HDLBP: variants seen among roughly 807,000 people sequenced by gnomAD.
The protein encoded by HDLBP is vigilin.
HDLBP carries 30 observed loss-of-function variants against 137.3 expected under a neutral mutation model. The observed-to-expected ratio is 0.22, with a 90% confidence interval of 0.16 to 0.30. The LOEUF (loss-of-function observed/expected upper bound fraction) is 0.30. HDLBP is among the 10% of genes least tolerant of loss of function. The pLI is 1.00. For synonymous variants in HDLBP, 606 were observed against 596.0 expected, an observed-to-expected ratio of 1.02 and a Z score of -0.24; for missense variants, 1,119 against 1,667.3, an observed-to-expected ratio of 0.67 and a Z score of 5.73.
chr2:241,242,226 C>T (rs2071307970), intron 17 of HDLBP, among the ~76,000 whole-genome samples: 1 of 152,156 alleles, frequency 6.6e-6, no homozygotes, highest in Non-Finnish European at 1.5e-5. Flanking sequence ...AACAAAAGCA[C>T]CCCAAAACTA....
At chr2:241,276,912 T>G (rs923326284) in intron 1 of HDLBP, among the ~76,000 whole-genome samples, 25 of 151,810 alleles carry the variant, frequency 1.6e-4, no homozygotes, top group African/African-American at 6.0e-4. Flanking sequence ...CAAACACAAT[T>G]AATAAATCTA....
rs578212878 is a variant in HDLBP, at chr2:241,282,289, T to C, written c.-102-13748A>G. ...TGTATTTTAAAATGCAAGTGAAAAGTAGAATAAGATTCTACATTTCACCTC... is the reference window on the plus strand; with the variant it reads ...TGTATTTTAAAATGCAAGTGAAAAGCAGAATAAGATTCTACATTTCACCTC... On this transcript the variant is annotated intron_variant, in intron 1 of 27. Coordinates refer to ENST00000310931, the MANE Select transcript of HDLBP (RefSeq NM_005336.6). 2.0e-5 allele frequency among the ~76,000 whole-genome samples: 3 copies of C among 152,344 alleles called. No individual in the cohort carries two copies. In the South Asian group the frequency reaches 6.2e-4, roughly 32 times the overall value.
rs1202862531 is a variant in HDLBP at position 241,268,518 on chromosome 2, CCT to C, written c.-81_-80del. On this transcript the variant is annotated 5_prime_UTR_variant, in exon 2 of 28. Coordinates refer to ENST00000310931, the MANE Select transcript of HDLBP (RefSeq NM_005336.6). Reference sequence around the variant, plus strand: ...AGCCAGAAGGTCCGTCCTGAGGCCGCCTCTGTCAGCCTGCCAGCTTTTGCTGG... The same window carrying C: ...AGCCAGAAGGTCCGTCCTGAGGCCGCCTGTCAGCCTGCCAGCTTTTGCTGG... The C allele has an allele frequency of 1.0e-6, 1 of 985,654 alleles. No individual in the cohort carries two copies. 61.1% of individuals were successfully genotyped at this position (985,654 alleles called of 1,614,324 possible).
intron 5 of HDLBP, among the ~76,000 whole-genome samples, chr2:241,258,391 A>G (rs997071291): frequency 6.8e-6 from 1 of 146,510 alleles, no homozygotes; most frequent in Non-Finnish European, 1.5e-5. Context: ...GGCCATGGTG[A>G]CGTGTGCCTG....
At chr2:241,267,093 A>G (rs2073731537) in intron 2 of HDLBP, among the ~76,000 whole-genome samples, 187 bp from the exon 3 acceptor site, 1 of 152,178 alleles carries the variant, frequency 6.6e-6, no homozygotes, top group Admixed American at 6.5e-5. Flanking sequence ...AAGGGGGGAA[A>G]ATGCAAGTAA....
At position 241,272,853 on chromosome 2, in the gene HDLBP, G is replaced by A. The variant is rs923056846; in HGVS notation, c.-102-4312C>T. On this transcript the variant is annotated intron_variant, in intron 1 of 27. Coordinates refer to ENST00000310931, the MANE Select transcript of HDLBP (RefSeq NM_005336.6). The surrounding 1 kb of genome is among the most constrained non-coding windows in gnomAD (Gnocchi z 5.6). ...CTCCGAGGCGCGGCGCCCGGGCCCC[G>A]GCTGCTATATAGGGCGGCGGCCCAA... 1.6e-5 allele frequency: 5 copies of A among 306,392 alleles called. No individual in the cohort carries two copies. The East Asian group carries it at 6.9e-4, about 42-fold the overall frequency. The allele number at this position is 306,392 out of a possible 1,614,324, so 19.0% of individuals were successfully genotyped here. A position where few individuals can be genotyped will look rare whatever the true frequency, so the allele number is the denominator to read the frequency against.
chr2:241,241,520 T>A (rs563355361), intron 17 of HDLBP, among the ~76,000 whole-genome samples: 1 of 123,566 alleles, frequency 8.1e-6, no homozygotes, highest in Admixed American at 1.1e-4. Context: ...TGAGGCGAGA[T>A]TGCGCCACTA....
chr2:241,249,628 A>G (rs1417185690), intron 12 of HDLBP, among the ~76,000 whole-genome samples: 1 of 152,266 alleles, frequency 6.6e-6, no homozygotes, highest in Non-Finnish European at 1.5e-5. Context: ...GTGCCCTTCT[A>G]GCACAGCACA....
chr2:241,254,988 T>A (rs1376409526), intron 9 of HDLBP, 63 bp downstream of exon 9: 1 of 1,279,580 alleles, frequency 7.8e-7, no homozygotes, highest in African/African-American at 1.5e-5. Context: ...CAAAGCAATA[T>A]CAGAAACAGA....
Position 241,264,557 on chromosome 2 carries a change from T to C in HDLBP, c.125A>G (p.Asp42Gly). Reference protein sequence around the residue: ...EEESDPPTYKDAFPPLPEKAA... With the variant: ...EEESDPPTYKGAFPPLPEKAA... ...TTTCTCAGGAAGTGGAGGGAAGGCA[T>C]CCTTGTAGGTTGGAGGGTCGCTCTC... The change falls in exon 4 of 28, where the codon GAT becomes GGT. Residue 42 changes from aspartate to glycine, a missense_variant. By Grantham distance (94) the Asp-to-Gly change is moderately conservative. Coordinates refer to ENST00000310931, the MANE Select transcript of HDLBP (RefSeq NM_005336.6). The C allele has an allele frequency of 6.2e-7, 1 of 1,613,896 alleles. No individual in the cohort carries two copies. Among genetic ancestry groups the C allele is most frequent in the Non-Finnish European group, 8.5e-7 (1 of 1,179,956 alleles).
Position 241,230,251 on chromosome 2 carries a change from G to T in HDLBP, c.3493C>A (p.Gln1165Lys). 6.3e-7 allele frequency: 1 copy of T among 1,592,950 alleles called. No homozygotes were observed. Among genetic ancestry groups the T allele is most frequent in the Non-Finnish European group, 8.6e-7 (1 of 1,164,312 alleles). ...DEFKVDIRFP[Q>K]SGAPDPNCVT... The stretch of plus-strand genomic sequence containing the variant: ...CAGTTGGGGTCTGGGGCTCCGCTCT[G>T]TGGGAAGCGAATGTCCACCTGGAAG... Residue 1165 changes from glutamine to lysine, a missense_variant, in exon 26 of 28, where the codon CAG becomes AAG. Transcript: ENST00000310931. The surrounding 1 kb of genome is among the most constrained non-coding windows in gnomAD (Gnocchi z 5.0).
In HDLBP at chr2:241,233,945, G is replaced by A. The variant is rs138093297; in HGVS notation, c.3163C>T (p.Leu1055=). 3.7e-5 allele frequency: 59 copies of A among 1,614,028 alleles called. 1 individual carries two copies. The South Asian group carries it at 5.4e-4, about 15-fold the overall frequency. The part of the protein sequence containing the change: ...QEDRALRSFK[L]SVTVDPKYHP... ...TATTTGGGGTCTACAGTGACACTCA[G>A]CTTAAAACTCCTTAAAGCCTACAAA... The change falls in exon 24 of 28, where the codon CTG becomes TTG. Residue 1055 remains leucine (L), a synonymous_variant. Coordinates refer to ENST00000310931, the MANE Select transcript of HDLBP (RefSeq NM_005336.6). This position sits in a 1 kb window ranked among gnomAD's most constrained non-coding sequence, Gnocchi z 4.3.
chr2:241,267,447 C>A, intron 2 of HDLBP: 1 of 815,690 alleles, frequency 1.2e-6, no homozygotes, highest in Non-Finnish European at 2.0e-6. Context: ...GTCAACACCA[C>A]CCCTAACCGC....
chr2:241,247,882 GC>G lies in HDLBP; in HGVS notation c.1731+120del. ...CCCAAGTCCCTGAGATGGAAGGCCA[GC>G]CCAGGGCCTATGTGCTTTCCCCAGA... On this transcript the variant is annotated intron_variant, in intron 14 of 27. Coordinates refer to ENST00000310931, the MANE Select transcript of HDLBP (RefSeq NM_005336.6). 5.9e-6 allele frequency: 4 copies of G among 678,354 alleles called. No individual in the cohort carries two copies. In the South Asian group the frequency reaches 7.1e-5, roughly 12 times the overall value. 42.0% of individuals were successfully genotyped at this position (678,354 alleles called of 1,614,324 possible).
At chr2:241,229,799 C>CA in intron 27 of HDLBP, 34 bp downstream of exon 27, 1 of 1,562,938 alleles carries the variant, frequency 6.4e-7, no homozygotes, top group Non-Finnish European at 8.7e-7. Context: ...CCCACCCTCC[C>CA]TGGGACCCAG....
chr2:241,252,129 TCCTGTAACTGTGCTACACCTACAA>T (rs887860433), intron 11 of HDLBP, among the ~76,000 whole-genome samples: 8 of 152,204 alleles, frequency 5.3e-5, no homozygotes, highest in African/African-American at 1.7e-4. Flanking sequence ...TCCAACAGTG[TCCTGTAACTGTGCTACACCTACAA>T]CCTGGCACAG....
rs2069517369 is a variant in HDLBP at position 241,229,862 on chromosome 2, C to T, written c.3691G>A (p.Ala1231Thr). The change falls in exon 27 of 28, where the codon GCA (alanine) becomes ACA (threonine). Residue 1231 changes from alanine to threonine, a missense_variant. Physicochemically the swap from Ala to Thr is moderately conservative, Grantham distance 58. Coordinates refer to ENST00000310931, the MANE Select transcript of HDLBP (RefSeq NM_005336.6). ...APSRGFVVRD[A>T]PWTASSSEKA... The stretch of plus-strand genomic sequence containing the variant: ...TCACTGCTGCTGGCGGTCCAGGGTG[C>T]GTCCCGCACCACAAAGCCTCTGGAA... 3 of 1,384,570 alleles carry T rather than the reference C, an allele frequency of 2.2e-6. No individual in the cohort carries two copies. The highest frequency in any genetic ancestry group is 1.2e-5 in the South Asian group (1 of 84,824). The allele number at this position is 1,384,570 out of a possible 1,614,324, so 85.8% of individuals were successfully genotyped here.
rs969294674 is a variant in HDLBP at position 241,239,461 on chromosome 2, G to T, written c.2610+141C>A. ...AGACAGGCTGAGGAAAGAAGAGCGA[G>T]CACCAGAAAGCCCCTTCTGAAGCCT... On this transcript the variant is annotated intron_variant, in intron 19 of 27. Coordinates refer to ENST00000310931, the MANE Select transcript of HDLBP (RefSeq NM_005336.6). The surrounding 1 kb of genome is among the most constrained non-coding windows in gnomAD (Gnocchi z 4.6). 4 of 643,010 alleles carry T rather than the reference G, an allele frequency of 6.2e-6. No homozygotes were observed. Among genetic ancestry groups the T allele is most frequent in the East Asian group, 5.4e-5 (2 of 37,078 alleles). 39.8% of individuals were successfully genotyped at this position (643,010 alleles called of 1,614,324 possible).
chr2:241,262,597 G>A lies in HDLBP; in HGVS notation c.450+114C>T, dbSNP rs2073293492. On this transcript the variant is annotated intron_variant, in intron 5 of 27. Transcript: ENST00000310931. The stretch of plus-strand genomic sequence containing the variant: ...GAATGTTGCTGTCCTACCTCCAAAA[G>A]ACGGAACTGTCCCACTGGTAGGAAG... 6 of 738,516 alleles carry A rather than the reference G, an allele frequency of 8.1e-6. No individual in the cohort carries two copies. In the South Asian group the frequency reaches 1.0e-4, roughly 13 times the overall value. 45.7% of individuals were successfully genotyped at this position (738,516 alleles called of 1,614,324 possible).
Sources: gnomAD v4.1 joint callset for allele counts (sites outside exome capture counted in the v4.1 genomes callset) on GRCh38, gnomAD v4.1.1 for gene constraint, Gnocchi (gnomAD v3.1) non-coding constraint, MANE v1.5 for transcripts, NCBI Gene and HGNC (gene_info 2026-07-23, HGNC 2026-07-21) for gene names.